ARMH3: variants seen among roughly 807,000 people sequenced by gnomAD.
ARMH3 encodes the protein armadillo-like helical domain-containing protein 3.
A neutral mutation model predicts 99.1 loss-of-function variants in ARMH3; 60 were observed. That is an observed-to-expected ratio of 0.61 (90% CI 0.49 to 0.75). ARMH3 has a LOEUF of 0.75. Ranked by LOEUF, ARMH3 falls within the 30% of genes least tolerant of loss-of-function variation. The pLI is 0.00. For synonymous variants in ARMH3, 285 were observed against 292.8 expected (o/e 0.97, Z 0.27); for missense variants, 679 against 843.1 (o/e 0.81, Z 2.41).
At chr10:101,896,163 C>T (rs1244969523) in intron 23 of ARMH3, among the ~76,000 whole-genome samples, 3 of 152,042 alleles carry the variant, frequency 2.0e-5, no homozygotes, top group Admixed American at 6.6e-5. Context: ...CCTAGGAGGC[C>T]GAGGCTGCAG....
At chr10:101,867,395 CAGA>C (rs2067028931) in intron 24 of ARMH3, among the ~76,000 whole-genome samples, 1 of 152,208 alleles carries the variant, frequency 6.6e-6, no homozygotes, top group Non-Finnish European at 1.5e-5. Context: ...GCCTCCAAAT[CAGA>C]GGGTCATAAA....
chr10:102,010,068 G>T (rs1402471120), intron 11 of ARMH3, 45 bp from the exon 12 acceptor site: 9 of 1,578,908 alleles, frequency 5.7e-6, no homozygotes, highest in South Asian at 2.2e-5. Flanking sequence ...AGGAGGATAT[G>T]AGAGGAGCTT....
At chr10:102,031,380 G>A (rs564858334) in intron 4 of ARMH3, among the ~76,000 whole-genome samples, 3 of 152,166 alleles carry the variant, frequency 2.0e-5, no homozygotes, top group Non-Finnish European at 4.4e-5. Context: ...TTATAACAAT[G>A]TACAATATTT....
intron 20 of ARMH3, among the ~76,000 whole-genome samples, chr10:101,971,235 G>C (rs1845759558): frequency 6.6e-6 from 1 of 151,854 alleles, no homozygotes; most frequent in Admixed American, 6.6e-5. Flanking sequence ...GTGCAAAGGA[G>C]ATTGCTAACC....
intron 23 of ARMH3, among the ~76,000 whole-genome samples, chr10:101,932,500 G>A (rs1843763106): frequency 6.6e-6 from 1 of 152,224 alleles, no homozygotes; most frequent in South Asian, 2.1e-4. Context: ...TAGCTAGAAG[G>A]TGGAAGCAAC....
chr10:101,948,895 C>A (rs555792027), intron 22 of ARMH3, among the ~76,000 whole-genome samples: 2 of 152,100 alleles, frequency 1.3e-5, no homozygotes, highest in Admixed American at 1.3e-4. Context: ...AAACAATATT[C>A]TTTGGCCAAA....
intron 23 of ARMH3, among the ~76,000 whole-genome samples, chr10:101,938,297 C>T (rs984867242): frequency 6.6e-6 from 1 of 152,218 alleles, no homozygotes; most frequent in Non-Finnish European, 1.5e-5. Flanking sequence ...ATATGCCTGA[C>T]AGTCATGCAA....
intron 22 of ARMH3, among the ~76,000 whole-genome samples, chr10:101,950,562 T>C (rs910035271): frequency 6.6e-6 from 1 of 152,218 alleles, no homozygotes; most frequent in Non-Finnish European, 1.5e-5. Flanking sequence ...TACCAATTGA[T>C]GAATGGATAA....
chr10:101,885,102 T>C (rs1252707710), intron 24 of ARMH3, among the ~76,000 whole-genome samples: 5 of 151,860 alleles, frequency 3.3e-5, no homozygotes, highest in Non-Finnish European at 7.4e-5. Context: ...AAAACTACAA[T>C]GAGATACTAC....
chr10:102,020,370 A>G (rs1183777692), intron 8 of ARMH3, among the ~76,000 whole-genome samples: 1 of 152,050 alleles, frequency 6.6e-6, no homozygotes, highest in East Asian at 2.0e-4. Context: ...TGTCTCTACT[A>G]AAAATACAAA....
intron 6 of ARMH3, among the ~76,000 whole-genome samples, chr10:102,024,710 T>C (rs932887834): frequency 2.6e-5 from 4 of 151,382 alleles, no homozygotes; most frequent in Admixed American, 2.0e-4. Flanking sequence ...TCCCAGCTAC[T>C]TGGGAGGCTG....
At chr10:101,861,461 A>G (rs766082129) in intron 24 of ARMH3, among the ~76,000 whole-genome samples, 1 of 152,232 alleles carries the variant, frequency 6.6e-6, no homozygotes, top group Non-Finnish European at 1.5e-5. Context: ...GACTGGGCAC[A>G]GTGGTTCACA....
At chr10:101,890,494 C>T (rs928081208) in intron 23 of ARMH3, among the ~76,000 whole-genome samples, 4 of 152,186 alleles carry the variant, frequency 2.6e-5, no homozygotes, top group African/African-American at 9.7e-5. Flanking sequence ...CACAGGTCTC[C>T]ACCTCCCAAA....
At chr10:101,897,890 A>G (rs999977430) in intron 23 of ARMH3, among the ~76,000 whole-genome samples, 2 of 152,190 alleles carry the variant, frequency 1.3e-5, no homozygotes. Context: ...TAGATGGAAC[A>G]GTAAGGATGA....
intron 23 of ARMH3, among the ~76,000 whole-genome samples, chr10:101,910,104 G>A (rs939889557): frequency 2.6e-5 from 4 of 152,074 alleles, no homozygotes; most frequent in African/African-American, 7.2e-5. Flanking sequence ...ACAGTGATGC[G>A]GCCCTGGCAA....
chr10:101,988,796 G>A (rs773489365), intron 19 of ARMH3, among the ~76,000 whole-genome samples: 1 of 151,790 alleles, frequency 6.6e-6, no homozygotes, highest in African/African-American at 2.4e-5. Flanking sequence ...GGTGGTGCGC[G>A]ACTGTAGTCC....
intron 19 of ARMH3, among the ~76,000 whole-genome samples, chr10:101,975,775 A>C (rs1845968374): frequency 6.6e-6 from 1 of 151,756 alleles, no homozygotes; most frequent in African/African-American, 2.4e-5. Context: ...CAGAAGAATC[A>C]CTTGAACCCA....
intron 8 of ARMH3, among the ~76,000 whole-genome samples, chr10:102,015,160 AG>A (rs1044608170): frequency 1.5e-4 from 23 of 152,300 alleles, no homozygotes; most frequent in Middle Eastern, 3.4e-3. Context: ...ATCTGACAGA[AG>A]GAAGGCTCTC....
intron 23 of ARMH3, among the ~76,000 whole-genome samples, chr10:101,935,052 G>A (rs1424865725): frequency 2.0e-5 from 3 of 151,580 alleles, no homozygotes; most frequent in Non-Finnish European, 4.4e-5. Context: ...CTCCTTTACT[G>A]TGCTGCAGTT....
Sources: gnomAD v4.1 joint callset for allele counts (sites outside exome capture counted in the v4.1 genomes callset) on GRCh38, gnomAD v4.1.1 for gene constraint, MANE v1.5 for transcripts, NCBI Gene and HGNC (gene_info 2026-07-23, HGNC 2026-07-21) for gene names.